Variants in SLC15A1 observed in about 807,000 individuals in gnomAD.
SLC15A1 encodes solute carrier family 15 member 1.
A neutral mutation model predicts 92.9 loss-of-function variants in SLC15A1; 83 were observed. The observed-to-expected ratio is 0.89, with a 90% CI of 0.75 to 1.07. SLC15A1 has a LOEUF of 1.07. Among genes scored for constraint, SLC15A1 ranks in the 50% least tolerant of loss-of-function variants. The probability of loss-of-function intolerance (pLI) is 0.00; values close to 1 mark genes in which losing one functional copy is unlikely to be tolerated. For missense variants in SLC15A1, 857 were observed against 880.1 expected (o/e 0.97, Z 0.33); for synonymous variants, 322 against 318.2 (o/e 1.01, Z -0.13).
chr13:98,717,672 A>T (rs542765703), intron 8 of SLC15A1, among the ~76,000 whole-genome samples: 7 of 152,312 alleles, frequency 4.6e-5, no homozygotes, highest in African/African-American at 1.7e-4. Flanking sequence ...TAAAAAGAGG[A>T]GAATACTGAG....
Position 98,712,497 on chromosome 13 carries a change from C to T in SLC15A1, c.810+1G>A, listed in dbSNP as rs1160979060. On this transcript the variant is annotated splice_donor_variant, in intron 10 of 22. Coordinates refer to ENST00000376503, the MANE Select transcript of SLC15A1 (RefSeq NM_005073.4). LOFTEE classifies it high-confidence loss of function. ...TCATTGTAGCAATGACCGTTACTTACATCGTATTTCTCTTTAGCCCAGTCC... is the reference window on the plus strand; with the variant it reads ...TCATTGTAGCAATGACCGTTACTTATATCGTATTTCTCTTTAGCCCAGTCC... The T allele has an allele frequency of 2.5e-6, 4 of 1,605,472 alleles. No homozygotes were observed. The highest frequency in any genetic ancestry group is 3.4e-6 in the Non-Finnish European group (4 of 1,173,110).
At chr13:98,687,233 T>G (rs931723386) in intron 21 of SLC15A1, among the ~76,000 whole-genome samples, 3 of 152,154 alleles carry the variant, frequency 2.0e-5, no homozygotes, top group Admixed American at 6.5e-5. Flanking sequence ...AATTGAGCTG[T>G]TTTATGAATG....
intron 1 of SLC15A1, among the ~76,000 whole-genome samples, chr13:98,739,754 C>T (rs2088427814): frequency 6.6e-6 from 1 of 152,186 alleles, no homozygotes; most frequent in Non-Finnish European, 1.5e-5. Context: ...CTTTATACTA[C>T]TGCAAGAACA....
rs8187812 is a variant in SLC15A1, at chr13:98,711,911, C to A, written c.843G>T (p.Thr281=). The change falls in exon 11 of 23, where the codon ACG becomes ACT. Residue 281 remains threonine, a synonymous_variant. Coordinates refer to ENST00000376503, the MANE Select transcript of SLC15A1 (RefSeq NM_005073.4). ...ERLISQIKMV[T]RVMFLYIPLP... Reference sequence around the variant, plus strand: ...GTGGAATATACAGGAACATCACCCTCGTAACCATCTTAATTTGGGAGATGA... The same window carrying A: ...GTGGAATATACAGGAACATCACCCTAGTAACCATCTTAATTTGGGAGATGA... 9.3e-6 allele frequency: 15 copies of A among 1,613,052 alleles called. No individual in the cohort carries two copies. In the South Asian group the frequency reaches 1.6e-4, roughly 18 times the overall value.
At chr13:98,726,730 A>G in intron 2 of SLC15A1, 113 bp downstream of exon 2, 1 of 1,082,750 alleles carries the variant, frequency 9.2e-7, no homozygotes, top group Non-Finnish European at 1.4e-6. Flanking sequence ...CCGGGATCAT[A>G]CCCTCACTGG....
At chr13:98,741,280 C>T (rs2088442322) in intron 1 of SLC15A1, among the ~76,000 whole-genome samples, 1 of 152,224 alleles carries the variant, frequency 6.6e-6, no homozygotes, top group Admixed American at 6.5e-5. Flanking sequence ...AGCCGGCACC[C>T]AGGCTGTGCC....
intron 14 of SLC15A1, among the ~76,000 whole-genome samples, 159 bp downstream of exon 14, chr13:98,709,413 A>G (rs2088142685): frequency 6.6e-6 from 1 of 152,156 alleles, no homozygotes; most frequent in African/African-American, 2.4e-5. Flanking sequence ...TTTAAAGAAC[A>G]TTTTCAGAAA....
At chr13:98,727,041 T>C (rs1456166716) in intron 1 of SLC15A1, among the ~76,000 whole-genome samples, 182 bp from the exon 2 acceptor site, 1 of 152,210 alleles carries the variant, frequency 6.6e-6, no homozygotes, top group African/African-American at 2.4e-5. Context: ...GCCTGGCATC[T>C]GTATTTTCTT....
chr13:98,735,332 T>C, intron 1 of SLC15A1, among the ~76,000 whole-genome samples: 1 of 152,234 alleles, frequency 6.6e-6, no homozygotes, highest in East Asian at 1.9e-4. Flanking sequence ...TGATGGGACG[T>C]ATCTCAAAAT....
chr13:98,737,286 T>C (rs1018026615), intron 1 of SLC15A1, among the ~76,000 whole-genome samples: 7 of 152,210 alleles, frequency 4.6e-5, no homozygotes, highest in African/African-American at 1.7e-4. Context: ...AGGTGGGAAT[T>C]GAACAATGAG....
intron 20 of SLC15A1, 98 bp from the exon 21 acceptor site, chr13:98,687,822 A>G: frequency 7.1e-7 from 1 of 1,401,182 alleles, no homozygotes; most frequent in South Asian, 1.3e-5. Flanking sequence ...GGATTACATC[A>G]TATGATTTGT....
chr13:98,696,792 C>G (rs1190483456), intron 18 of SLC15A1, among the ~76,000 whole-genome samples: 1 of 152,162 alleles, frequency 6.6e-6, no homozygotes, highest in Admixed American at 6.5e-5. Context: ...TCCCCAGTAC[C>G]TCAGAGAGGG....
chr13:98,746,686 A>G (rs1433096212), intron 1 of SLC15A1, among the ~76,000 whole-genome samples: 1 of 152,176 alleles, frequency 6.6e-6, no homozygotes, highest in African/African-American at 2.4e-5. Flanking sequence ...ATGGAAGTAC[A>G]TTTTGTGAAT....
At position 98,702,549 on chromosome 13, in the gene SLC15A1, T is replaced by A; in HGVS notation, c.1417-20A>T. 4 of 1,574,948 alleles carry A rather than the reference T, an allele frequency of 2.5e-6. No individual in the cohort carries two copies. The highest frequency in any genetic ancestry group is 3.5e-6 in the Non-Finnish European group (4 of 1,147,002). On this transcript the variant is annotated intron_variant, in intron 17 of 22. Transcript: ENST00000376503. ...CTTTACCTGAGAGAGAAAACAGTAA[T>A]GTAAAAATATTTTCAAAATAATATT...
At chr13:98,688,117 A>C in intron 20 of SLC15A1, 131 bp downstream of exon 20, 1 of 656,688 alleles carries the variant, frequency 1.5e-6, no homozygotes, top group Non-Finnish European at 2.6e-6. Flanking sequence ...AAGCAAATTA[A>C]TTCTAAGCCC....
At chr13:98,745,154 G>A (rs1035896634) in intron 1 of SLC15A1, among the ~76,000 whole-genome samples, 2 of 152,096 alleles carry the variant, frequency 1.3e-5, no homozygotes, top group African/African-American at 4.8e-5. Flanking sequence ...TTTGGGGCCT[G>A]TTTTCTACGT....
At chr13:98,696,968 G>A (rs774915048) in intron 18 of SLC15A1, among the ~76,000 whole-genome samples, 1 of 152,176 alleles carries the variant, frequency 6.6e-6, no homozygotes, top group Non-Finnish European at 1.5e-5. Context: ...TTTACAAGCC[G>A]AGGAGACAGG....
chr13:98,751,947 T>C (rs774173566), intron 1 of SLC15A1, among the ~76,000 whole-genome samples: 1 of 152,222 alleles, frequency 6.6e-6, no homozygotes, highest in Non-Finnish European at 1.5e-5. Flanking sequence ...GTTCATTCTC[T>C]CTGGGTCTGC....
At chr13:98,726,558 C>T (rs563070609) in intron 2 of SLC15A1, 109 bp from the exon 3 acceptor site, 1 of 967,960 alleles carries the variant, frequency 1.0e-6, no homozygotes, top group South Asian at 1.4e-5. Flanking sequence ...CAGTAACTTA[C>T]CGGTGACTGT....
Sources: gnomAD v4.1 joint callset for allele counts (sites outside exome capture counted in the v4.1 genomes callset) on GRCh38, gnomAD v4.1.1 for gene constraint, MANE v1.5 for transcripts, NCBI Gene and HGNC (gene_info 2026-07-23, HGNC 2026-07-21) for gene names.